The following PREX2 variants were observed in gnomAD, a reference collection of about 807,000 sequenced individuals.
The protein encoded by PREX2 is phosphatidylinositol-3,4,5-trisphosphate dependent Rac exchange factor 2.
A neutral mutation model predicts 203.2 loss-of-function variants in PREX2; 107 were observed. That is an observed-to-expected ratio of 0.53 (90% CI 0.45 to 0.62). PREX2 has a LOEUF of 0.62. Ranked by LOEUF, PREX2 falls within the 20% of genes least tolerant of loss-of-function variation. The pLI is 0.00. For synonymous variants in PREX2, 672 were observed against 663.6 expected (o/e 1.01, Z -0.19); for missense variants, 1,777 against 1,955.9 (o/e 0.91, Z 1.72).
chr8:68,114,398 C>T (rs1424984988), intron 25 of PREX2: 1 of 460,332 alleles, frequency 2.2e-6, no homozygotes, highest in Non-Finnish European at 4.4e-6. Context: ...CTGAAAATCA[C>T]AGGTATTTAG....
intron 35 of PREX2, 100 bp from the exon 36 acceptor site, chr8:68,191,622 C>T: frequency 1.2e-6 from 1 of 813,744 alleles, no homozygotes; most frequent in African/African-American, 1.7e-5. Flanking sequence ...TTTGTTTATT[C>T]ACTTGTTTTT....
chr8:68,006,945 A>C (rs530232762), intron 1 of PREX2, among the ~76,000 whole-genome samples: 2 of 152,338 alleles, frequency 1.3e-5, no homozygotes, highest in South Asian at 2.1e-4. Context: ...GTTAATTTTC[A>C]TAACCCAGGT....
chr8:68,119,789 T>G (rs2129613095), intron 28 of PREX2, among the ~76,000 whole-genome samples: 1 of 152,332 alleles, frequency 6.6e-6, no homozygotes, highest in African/African-American at 2.4e-5. Context: ...TTTTTGTTTT[T>G]TTGTTTTCAG....
At chr8:68,174,434 A>T (rs1206726432) in intron 35 of PREX2, among the ~76,000 whole-genome samples, 1 of 152,154 alleles carries the variant, frequency 6.6e-6, no homozygotes, top group East Asian at 1.9e-4. Flanking sequence ...AGTTTCTGAA[A>T]TTCTGTCAGT....
intron 1 of PREX2, 68 bp downstream of exon 1, chr8:67,952,603 G>C (rs746416486): frequency 1.3e-6 from 2 of 1,561,270 alleles, no homozygotes; most frequent in African/African-American, 1.4e-5. Flanking sequence ...GAGTGGCTGC[G>C]GGAAGGACGC....
At chr8:68,047,742 G>A (rs74634382) in intron 8 of PREX2, among the ~76,000 whole-genome samples, 2,251 of 151,126 alleles carry the variant, frequency 0.015, 48 homozygotes, top group African/African-American at 0.052. Context: ...TTTGAATTAT[G>A]CAAATCCTGA....
At chr8:68,145,995 A>G (rs1356292964) in intron 33 of PREX2, among the ~76,000 whole-genome samples, 1 of 152,072 alleles carries the variant, frequency 6.6e-6, no homozygotes. Context: ...TGGAATTTTT[A>G]TAATATAGTA....
chr8:68,198,090 C>G (rs1812434087), intron 37 of PREX2, among the ~76,000 whole-genome samples: 1 of 152,042 alleles, frequency 6.6e-6, no homozygotes, highest in Non-Finnish European at 1.5e-5. Flanking sequence ...ATATATTGTT[C>G]AAGTTCCCAA....
At chr8:67,980,564 A>C (rs1806238116) in intron 1 of PREX2, among the ~76,000 whole-genome samples, 1 of 152,206 alleles carries the variant, frequency 6.6e-6, no homozygotes, top group Non-Finnish European at 1.5e-5. Context: ...CCTCCATTAG[A>C]GTACTGCAGA....
At chr8:68,024,697 T>C (rs1807664993) in intron 4 of PREX2, among the ~76,000 whole-genome samples, 1 of 152,000 alleles carries the variant, frequency 6.6e-6, no homozygotes, top group Non-Finnish European at 1.5e-5. Flanking sequence ...CCTACATGTC[T>C]TTTTTGTTTG....
intron 1 of PREX2, among the ~76,000 whole-genome samples, chr8:67,972,394 C>G (rs1335514637): frequency 6.6e-6 from 1 of 152,208 alleles, no homozygotes; most frequent in African/African-American, 2.4e-5. Context: ...CCTCTTGCAG[C>G]TCCTGTGTAA....
chr8:68,093,408 A>G (rs901580314), intron 20 of PREX2, among the ~76,000 whole-genome samples, 197 bp from the exon 21 acceptor site: 133 of 149,698 alleles, frequency 8.9e-4, no homozygotes, highest in East Asian at 3.1e-3. Context: ...AAAAAAAAAA[A>G]AAAGAAAGAA....
At chr8:68,190,908 C>T (rs1018671499) in intron 35 of PREX2, among the ~76,000 whole-genome samples, 1 of 151,672 alleles carries the variant, frequency 6.6e-6, no homozygotes, top group Admixed American at 6.6e-5. Flanking sequence ...ACAAGCAAAG[C>T]AAACACAGCG....
At chr8:68,199,465 C>T (rs942711723) in intron 37 of PREX2, among the ~76,000 whole-genome samples, 4 of 152,142 alleles carry the variant, frequency 2.6e-5, no homozygotes, top group Admixed American at 6.5e-5. Flanking sequence ...AAGGCTCTAC[C>T]GAGCCTTCTC....
At chr8:68,017,576 C>A in intron 1 of PREX2, among the ~76,000 whole-genome samples, 1 of 152,156 alleles carries the variant, frequency 6.6e-6, no homozygotes, top group Non-Finnish European at 1.5e-5. Flanking sequence ...ACTCTAAATG[C>A]TTACTTCACA....
intron 18 of PREX2, among the ~76,000 whole-genome samples, chr8:68,084,678 G>A (rs1199459787): frequency 1.3e-5 from 2 of 152,182 alleles, no homozygotes; most frequent in Non-Finnish European, 2.9e-5. Flanking sequence ...CAGGAAAGAA[G>A]CACAGCAATG....
chr8:68,060,921 T>TA, intron 11 of PREX2, 142 bp downstream of exon 11: 1 of 596,318 alleles, frequency 1.7e-6, no homozygotes. Flanking sequence ...CTAATAAGTG[T>TA]AGAACAGTGT....
At chr8:68,094,249 G>C (rs1361164106) in intron 21 of PREX2, among the ~76,000 whole-genome samples, 1 of 152,174 alleles carries the variant, frequency 6.6e-6, no homozygotes, top group Admixed American at 6.5e-5. Flanking sequence ...GATTTGATTT[G>C]TATGCATATT....
intron 1 of PREX2, among the ~76,000 whole-genome samples, chr8:68,013,237 T>C (rs1257095781): frequency 6.6e-6 from 1 of 152,102 alleles, no homozygotes; most frequent in Non-Finnish European, 1.5e-5. Flanking sequence ...ATTCTGTCCT[T>C]GTGCCTTTTG....
Sources: gnomAD v4.1 joint callset for allele counts (sites outside exome capture counted in the v4.1 genomes callset) on GRCh38, gnomAD v4.1.1 for gene constraint, MANE v1.5 for transcripts, NCBI Gene and HGNC (gene_info 2026-07-23, HGNC 2026-07-21) for gene names.